The following SCML4 variants were observed in gnomAD, a reference collection of about 807,000 sequenced individuals.
The protein encoded by SCML4 is Scm polycomb group protein like 4, also known as sex comb on midleg-like protein 4.
Under a neutral mutation model 41.1 loss-of-function variants are expected in SCML4, and 34 were observed. The ratio of observed to expected loss-of-function variants is 0.83; its 90% confidence interval spans 0.63 to 1.10. The LOEUF (loss-of-function observed/expected upper bound fraction) is 1.10, where lower values mean the gene tolerates loss of function less well. Ranked by LOEUF, SCML4 falls within the 50% of genes least tolerant of loss-of-function variation. The probability of loss-of-function intolerance (pLI) is 0.00; values close to 1 mark genes in which losing one functional copy is unlikely to be tolerated. For missense variants in SCML4, 522 were observed against 534.1 expected, an observed-to-expected ratio of 0.98 and a Z score of 0.22; for synonymous variants, 214 against 220.9, an observed-to-expected ratio of 0.97 and a Z score of 0.28.
intron 1 of SCML4, among the ~76,000 whole-genome samples, chr6:107,802,048 G>A (rs1189487334): frequency 2.0e-5 from 3 of 152,068 alleles, no homozygotes; most frequent in African/African-American, 4.8e-5. Context: ...TGGGATTACA[G>A]GCGTGAGCCA....
At chr6:107,839,690 A>G in the SCML4 span, among the ~76,000 whole-genome samples, 3 of 152,166 alleles carry the variant, frequency 2.0e-5, no homozygotes, top group African/African-American at 7.2e-5. Context: ...AAAGTAGAAA[A>G]AGAGAAAACC....
chr6:107,713,024 AC>A (rs1176784899), intron 6 of SCML4, among the ~76,000 whole-genome samples: 1 of 152,214 alleles, frequency 6.6e-6, no homozygotes, highest in Non-Finnish European at 1.5e-5. Flanking sequence ...GAAAAGTGAA[AC>A]CTAGTTATGA....
chr6:107,776,650 T>C (rs1780975129), intron 1 of SCML4, among the ~76,000 whole-genome samples: 1 of 152,206 alleles, frequency 6.6e-6, no homozygotes, highest in South Asian at 2.1e-4. Context: ...CTAGCCTTTC[T>C]GGAGGACAAT....
intron 1 of SCML4, among the ~76,000 whole-genome samples, chr6:107,773,864 G>T (rs377296042): frequency 6.6e-6 from 1 of 152,156 alleles, no homozygotes; most frequent in African/African-American, 2.4e-5. Flanking sequence ...TGGGGAAGAC[G>T]ATGGGCACAG....
intron 5 of SCML4, among the ~76,000 whole-genome samples, chr6:107,733,404 GT>G (rs964531765): frequency 5.3e-5 from 8 of 152,154 alleles, no homozygotes; most frequent in Admixed American, 2.0e-4. Context: ...GTTTGTTGTA[GT>G]TTTTTTCAGC....
rs545435117 is a variant in SCML4 at position 107,788,771 on chromosome 6, C to T, written c.-59-16385G>A. Among the ~76,000 whole-genome samples the T allele has an allele frequency of 4.6e-5, 7 of 152,260 alleles. No individual in the cohort carries two copies. In the East Asian group the frequency reaches 1.4e-3, roughly 29 times the overall value. On this transcript the variant is annotated intron_variant, in intron 1 of 7. Transcript: ENST00000369020. ...CTGTCGCCATCATTGTATGTACAGT[C>T]ACTACACACCGGTTTATTCTCCCCT...
intron 3 of SCML4, 131 bp downstream of exon 3, chr6:107,749,553 A>G: frequency 2.0e-6 from 2 of 1,015,776 alleles, no homozygotes; most frequent in East Asian, 4.8e-5. Context: ...TCTGCTGCCT[A>G]GCTAGCACAC....
intron 1 of SCML4, among the ~76,000 whole-genome samples, chr6:107,779,863 G>A (rs1264956596): frequency 6.6e-6 from 1 of 152,160 alleles, no homozygotes; most frequent in Non-Finnish European, 1.5e-5. Flanking sequence ...TGCTTTGGAG[G>A]CCTTTCCTCG....
rs1546962 is a variant in SCML4, at chr6:107,705,113, G to C, written c.*87C>G. 8.3e-7 allele frequency: 1 copy of C among 1,211,076 alleles called. No homozygotes were observed. The highest frequency in any genetic ancestry group is 1.5e-5 in the African/African-American group (1 of 66,332). The allele number at this position is 1,211,076 out of a possible 1,614,324, so 75.0% of individuals were successfully genotyped here. Reference sequence around the variant, plus strand: ...CTGTTAATTTTAAGAGGAGAGTCTAGTTTGTGATGTTGGCGGGATATTGGT... The same window carrying C: ...CTGTTAATTTTAAGAGGAGAGTCTACTTTGTGATGTTGGCGGGATATTGGT... On this transcript the variant is annotated 3_prime_UTR_variant, in exon 8 of 8. Coordinates refer to ENST00000369020, the MANE Select transcript of SCML4 (RefSeq NM_198081.5).
At chr6:107,712,180 G>C (rs1271394852) in intron 6 of SCML4, among the ~76,000 whole-genome samples, 1 of 152,178 alleles carries the variant, frequency 6.6e-6, no homozygotes, top group Admixed American at 6.5e-5. Flanking sequence ...TTTGGATCCT[G>C]CCCCATCAGA....
chr6:107,780,615 G>A (rs1331375393), intron 1 of SCML4, among the ~76,000 whole-genome samples: 2 of 152,048 alleles, frequency 1.3e-5, no homozygotes, highest in African/African-American at 4.8e-5. Context: ...GCTAAGGTGG[G>A]AGGATTGCCT....
At chr6:107,826,541 G>C (rs373591906), upstream of SCML4, among the ~76,000 whole-genome samples, 2 of 152,230 alleles carry the variant, frequency 1.3e-5, no homozygotes, top group East Asian at 1.9e-4. Context: ...TAATCTCCAA[G>C]TCCTGTAAAA....
chr6:107,769,121 A>G (rs1422909823), intron 2 of SCML4, among the ~76,000 whole-genome samples: 1 of 152,218 alleles, frequency 6.6e-6, no homozygotes, highest in Non-Finnish European at 1.5e-5. Context: ...TGGTAGTCAG[A>G]GTGTGGCTCT....
the SCML4 span, among the ~76,000 whole-genome samples, chr6:107,845,961 G>C: frequency 6.6e-6 from 1 of 152,200 alleles, no homozygotes; most frequent in African/African-American, 2.4e-5. Flanking sequence ...GCAGTGACAG[G>C]AGACAAGTGG....
chr6:107,797,301 G>C (rs1021119022), intron 1 of SCML4, among the ~76,000 whole-genome samples: 4 of 152,034 alleles, frequency 2.6e-5, no homozygotes, highest in South Asian at 4.1e-4. Context: ...GACTTCTTGA[G>C]TTTGTCTTAG....
At chr6:107,740,613 G>A (rs1777506622) in intron 5 of SCML4, among the ~76,000 whole-genome samples, 1 of 152,200 alleles carries the variant, frequency 6.6e-6, no homozygotes, top group African/African-American at 2.4e-5. Flanking sequence ...GATCATCTTA[G>A]ATCCTTTCCA....
chr6:107,751,579 T>TTTCC (rs1778637563), intron 2 of SCML4, among the ~76,000 whole-genome samples: 1 of 71,108 alleles, frequency 1.4e-5, no homozygotes, highest in East Asian at 3.2e-4. Flanking sequence ...ACAATCTTTC[T>TTTCC]TTCTTTCTTT....
rs1280719980 is a variant in SCML4 at position 107,704,470 on chromosome 6, T to C, written c.*730A>G. ...CCAAGTCGCAATCTGTGGTGCTAAC[T>C]GTGGAATAAATCCCCTGTTTCTGTG... On this transcript the variant is annotated 3_prime_UTR_variant, in exon 8 of 8. Coordinates refer to ENST00000369020, the MANE Select transcript of SCML4 (RefSeq NM_198081.5). 1 of 152,306 alleles carries C rather than the reference T, an allele frequency of 6.6e-6. No homozygotes were observed. The highest frequency in any genetic ancestry group is 1.5e-5 in the Non-Finnish European group (1 of 68,122). The allele number at this position is 152,306 out of a possible 1,614,324, so 9.4% of individuals were successfully genotyped here.
chr6:107,747,746 C>G (rs979623479), intron 3 of SCML4, among the ~76,000 whole-genome samples: 1 of 152,016 alleles, frequency 6.6e-6, no homozygotes, highest in African/African-American at 2.4e-5. Flanking sequence ...AAATATAAAT[C>G]CTTTTTTAGC....
Sources: allele counts gnomAD v4.1 joint callset (sites outside exome capture counted in the v4.1 genomes callset), GRCh38; gene constraint gnomAD v4.1.1; transcripts MANE v1.5; gene names NCBI Gene and HGNC (gene_info 2026-07-23, HGNC 2026-07-21).